Variants in UNC80 observed in about 807,000 individuals in gnomAD.
UNC80 encodes protein unc-80 homolog.
UNC80 carries 164 observed loss-of-function variants against 384.6 expected under a neutral mutation model. That is an observed-to-expected ratio of 0.43 (90% CI 0.38 to 0.49). The LOEUF (loss-of-function observed/expected upper bound fraction) is 0.49, where lower values mean the gene tolerates loss of function less well. Among genes scored for constraint, UNC80 ranks in the 20% least tolerant of loss-of-function variants. The pLI is 0.00. For synonymous variants in UNC80, 1,486 were observed against 1,527.8 expected (o/e 0.97, Z 0.64); for missense variants, 3,330 against 4,143.0 (o/e 0.80, Z 5.39).
chr2:209,817,093 T>G lies in UNC80; in HGVS notation c.1520T>G (p.Ile507Ser), dbSNP rs979294909. 2.6e-6 allele frequency: 4 copies of G among 1,551,470 alleles called. No individual in the cohort carries two copies. In the African/African-American group the frequency reaches 5.5e-5, roughly 21 times the overall value. The change falls in exon 10 of 65, where the codon ATT (isoleucine) becomes AGT (serine). Residue 507 changes from isoleucine (I) to serine (S), a missense_variant. Ile to Ser is a moderately radical substitution (Grantham distance 142, BLOSUM62 -2). This residue lies in a region of UNC80 where 937 missense variants were observed against 1,026.8 expected (regional missense o/e 0.91). Coordinates refer to ENST00000673920, the MANE Select transcript of UNC80 (RefSeq NM_001371986.1). Reference sequence around the variant, plus strand: ...GGGCTGGGAGAAGACAGGCGAGGAATTGAGAAAGGAGGCTGGCAAACCACC... The same window carrying G: ...GGGCTGGGAGAAGACAGGCGAGGAAGTGAGAAAGGAGGCTGGCAAACCACC... ...FSGLGEDRRG[I>S]EKGGWQTTIL...
chr2:209,813,488 C>A, intron 7 of UNC80, 92 bp from the exon 8 acceptor site: 5 of 1,336,064 alleles, frequency 3.7e-6, no homozygotes, highest in Non-Finnish European at 5.0e-6. Flanking sequence ...AATAACTAAA[C>A]AAATGAGAAA....
At chr2:209,904,385 T>C (rs1192460438) in intron 28 of UNC80, among the ~76,000 whole-genome samples, 1 of 152,232 alleles carries the variant, frequency 6.6e-6, no homozygotes, top group Non-Finnish European at 1.5e-5. Context: ...TGGGACAGAA[T>C]TTCTCACCAG....
chr2:209,805,231 C>T (rs1392219295), intron 7 of UNC80, among the ~76,000 whole-genome samples: 1 of 152,216 alleles, frequency 6.6e-6, no homozygotes, highest in Non-Finnish European at 1.5e-5. Context: ...TTCCACATCA[C>T]AGCTAAGCAA....
At position 209,849,442 on chromosome 2, in the gene UNC80, C is replaced by T; in HGVS notation, c.3455-9C>T. On this transcript the variant is annotated splice_polypyrimidine_tract_variant and intron_variant, in intron 21 of 64. Coordinates refer to ENST00000673920, the MANE Select transcript of UNC80 (RefSeq NM_001371986.1). ...CTTTCATTCCTCCACCATGGCACCA[C>T]CTTTACAGGTTGCCACAGTTTTGAT... The T allele has an allele frequency of 6.4e-7, 1 of 1,550,722 alleles. No homozygotes were observed. Among genetic ancestry groups the T allele is most frequent in the Non-Finnish European group, 8.7e-7 (1 of 1,146,312 alleles).
intron 4 of UNC80, 63 bp downstream of exon 4, chr2:209,777,622 T>C: frequency 6.7e-7 from 1 of 1,503,370 alleles, no homozygotes; most frequent in South Asian, 1.3e-5. Context: ...AGACTTCAAA[T>C]GATATTTCCA....
chr2:209,795,310 T>C (rs893695462), intron 7 of UNC80: 2 of 153,698 alleles, frequency 1.3e-5, no homozygotes, highest in African/African-American at 4.8e-5. Context: ...CAGCAAAGCA[T>C]TCAAGAGGTG....
chr2:209,965,719 C>G (rs890224299), intron 51 of UNC80, among the ~76,000 whole-genome samples: 1 of 151,960 alleles, frequency 6.6e-6, no homozygotes, highest in African/African-American at 2.4e-5. Context: ...ACACACCCGG[C>G]CAGAAGGTCT....
rs1426382652 is a variant in UNC80 at position 209,896,516 on chromosome 2, C to A, written c.4581+103C>A. ...GATTATACTAAATCATCAATCCGAT[C>A]TAGCCTCCAAGAGAAAGCAGGGGCT... On this transcript the variant is annotated intron_variant, in intron 28 of 64. Transcript: ENST00000673920. The A allele has an allele frequency of 3.1e-6, 3 of 960,028 alleles. No homozygotes were observed. In the Admixed American group the frequency reaches 6.1e-5, roughly 19 times the overall value. 59.5% of individuals were successfully genotyped at this position (960,028 alleles called of 1,614,324 possible). A position where few individuals can be genotyped will look rare whatever the true frequency, so the allele number is the denominator to read the frequency against.
chr2:209,888,036 G>A (rs2124907097), intron 25 of UNC80, 59 bp from the exon 26 acceptor site: 2 of 1,511,192 alleles, frequency 1.3e-6, no homozygotes, highest in East Asian at 2.5e-5. Context: ...GGCTTGCCGC[G>A]AGACCAATGC....
intron 52 of UNC80, chr2:209,968,813 T>C (rs1422183324): frequency 1.3e-5 from 2 of 152,166 alleles, no homozygotes; most frequent in African/African-American, 4.8e-5. Flanking sequence ...CGAAAGTAGA[T>C]TTCTGGATTA....
chr2:209,801,377 CTTTTTTTTTTTTT>C (rs35079056), intron 7 of UNC80, among the ~76,000 whole-genome samples: 4 of 66,008 alleles, frequency 6.1e-5, no homozygotes, highest in African/African-American at 2.1e-4. Flanking sequence ...GCAACCCCTG[CTTTTTTTTTTTTT>C]TTTTTTTTTT....
chr2:209,792,485 C>G (rs1432881057), intron 6 of UNC80, among the ~76,000 whole-genome samples: 1 of 151,934 alleles, frequency 6.6e-6, no homozygotes, highest in Non-Finnish European at 1.5e-5. Flanking sequence ...GTAGCTGGGA[C>G]TACAGGCGCC....
At chr2:209,810,163 G>A (rs2153826993) in intron 7 of UNC80, among the ~76,000 whole-genome samples, 1 of 152,236 alleles carries the variant, frequency 6.6e-6, no homozygotes, top group East Asian at 1.9e-4. Flanking sequence ...GTTGGCACCT[G>A]TTTCCCAGGC....
rs1242938863 is a variant in UNC80, at chr2:209,969,733, G to T, written c.8007-35G>T. 10 of 1,550,626 alleles carry T rather than the reference G, an allele frequency of 6.4e-6. No homozygotes were observed. In the Admixed American group the frequency reaches 1.6e-4, roughly 24 times the overall value. On this transcript the variant is annotated intron_variant, in intron 52 of 64. Transcript: ENST00000673920. ...CTTGTTTCAGACTCTCCAGAAGGGA[G>T]CCAAGACGCTAATGGCGCCTATATT... is the stretch of plus-strand genomic sequence containing the variant.
chr2:209,833,276 C>CAA (rs554565630), intron 16 of UNC80, among the ~76,000 whole-genome samples: 2,481 of 97,268 alleles, frequency 0.026, 97 homozygotes, highest in African/African-American at 0.084. Context: ...TTTCCTAAGG[C>CAA]AAAAAAAAAA....
At chr2:209,918,362 T>C (rs1321788979) in intron 32 of UNC80, among the ~76,000 whole-genome samples, 170 bp from the exon 33 acceptor site, 1 of 152,212 alleles carries the variant, frequency 6.6e-6, no homozygotes, top group East Asian at 1.9e-4. Context: ...CATCTTGTGC[T>C]CTATAACAGA....
Position 209,772,109 on chromosome 2 carries a change from G to A in UNC80, c.37G>A (p.Asp13Asn), listed in dbSNP as rs2076605926. The A allele has an allele frequency of 4.5e-6, 7 of 1,549,212 alleles. No individual in the cohort carries two copies. The highest frequency in any genetic ancestry group is 2.5e-5 in the East Asian group (1 of 40,802). Reference protein sequence around the residue: ...KRKSSEGQEQDGGRGIPLPIQ... With the variant: ...KRKSSEGQEQNGGRGIPLPIQ... ...GAAGAGCTCCGAGGGCCAGGAGCAGGACGGCGGCCGCGGCATCCCCCTGCC... is the reference window on the plus strand; with the variant it reads ...GAAGAGCTCCGAGGGCCAGGAGCAGAACGGCGGCCGCGGCATCCCCCTGCC... The change falls in exon 1 of 65, where the codon GAC becomes AAC. Residue 13 changes from aspartate (D) to asparagine (N), a missense_variant. By Grantham distance (23) the Asp-to-Asn change is conservative (BLOSUM62 1). This residue lies in a region of UNC80 where 86 missense variants were observed against 141.5 expected (regional missense o/e 0.61). Transcript: ENST00000673920.
At chr2:209,833,942 A>G (rs1169478025) in intron 16 of UNC80, 60 bp from the exon 17 acceptor site, 2 of 1,515,030 alleles carry the variant, frequency 1.3e-6, no homozygotes, top group African/African-American at 2.8e-5. Context: ...TCTACCTGGA[A>G]AAACTATTTA....
chr2:209,931,134 C>A, intron 38 of UNC80, 80 bp downstream of exon 38: 2 of 1,090,148 alleles, frequency 1.8e-6, no homozygotes, highest in South Asian at 1.5e-5. Flanking sequence ...CAATAAATTT[C>A]CATTAATTAC....
Sources: gnomAD v4.1 joint callset for allele counts (sites outside exome capture counted in the v4.1 genomes callset) on GRCh38, gnomAD v4.1.1 for gene constraint, gnomAD v4.1.1 regional missense constraint, MANE v1.5 for transcripts, NCBI Gene and HGNC (gene_info 2026-07-23, HGNC 2026-07-21) for gene names.